KLKB1: variants seen among roughly 807,000 people sequenced by gnomAD.
The protein encoded by KLKB1 is plasma kallikrein.
A neutral mutation model predicts 73.6 loss-of-function variants in KLKB1; 58 were observed. The ratio of observed to expected loss-of-function variants is 0.79; its 90% CI spans 0.64 to 0.98. KLKB1 has a LOEUF of 0.98. Ranked by LOEUF, KLKB1 falls within the 50% of genes least tolerant of loss-of-function variation. The pLI is 0.00. For missense variants in KLKB1, 737 were observed against 763.8 expected (o/e 0.96, Z 0.41); for synonymous variants, 280 against 258.1 (o/e 1.08, Z -0.81).
chr4:186,237,925 A>G (rs1304245674), intron 5 of KLKB1, among the ~76,000 whole-genome samples: 2 of 151,898 alleles, frequency 1.3e-5, no homozygotes, highest in African/African-American at 4.8e-5. Flanking sequence ...TTTTTTCTGA[A>G]GTCATTTTCT....
chr4:186,254,531 A>G, intron 11 of KLKB1, 57 bp from the exon 12 acceptor site: 1 of 1,358,870 alleles, frequency 7.4e-7, no homozygotes, highest in Admixed American at 1.7e-5. Context: ...GGAAAAAGGA[A>G]CACTATTGAA....
chr4:186,237,301 G>A (rs965390136), intron 5 of KLKB1, among the ~76,000 whole-genome samples: 3 of 152,102 alleles, frequency 2.0e-5, no homozygotes, highest in Non-Finnish European at 4.4e-5. Flanking sequence ...GTTTTACTAT[G>A]TTGGTCAGGC....
In KLKB1 at chr4:186,238,348, G is replaced by T. The variant is rs1323960100; in HGVS notation, c.581G>T (p.Cys194Phe). 24 of 1,612,512 alleles carry T rather than the reference G, an allele frequency of 1.5e-5. No individual in the cohort carries two copies. The highest frequency in any genetic ancestry group is 1.9e-5 in the Non-Finnish European group (22 of 1,178,698). ...GAATCTGGATTCTCACTGAAGCCCT[G>T]TGCCCTTTCAGAAATTGGTAATTGT... ...NVESGFSLKP[C>F]ALSEIGCHMN... The change falls in exon 6 of 15, where the codon TGT becomes TTT. Residue 194 changes from cysteine to phenylalanine, a missense_variant. Physicochemically the swap from Cys to Phe is radical, Grantham distance 205 (BLOSUM62 -2). Coordinates refer to ENST00000264690, the MANE Select transcript of KLKB1 (RefSeq NM_000892.5).
intron 2 of KLKB1, among the ~76,000 whole-genome samples, chr4:186,217,306 GTTC>G (rs970126868): frequency 2.6e-4 from 40 of 151,940 alleles, no homozygotes; most frequent in Admixed American, 1.3e-3. Context: ...TGTTGTTGTT[GTTC>G]TTGTTTTCTG....
chr4:186,245,897 T>TCTG (rs1252379182), intron 6 of KLKB1, among the ~76,000 whole-genome samples: 1 of 149,790 alleles, frequency 6.7e-6, no homozygotes, highest in Non-Finnish European at 1.5e-5. Context: ...TTCTGACCCT[T>TCTG]CTGGGTCTAG....
chr4:186,254,347 C>G (rs906394020), intron 11 of KLKB1, among the ~76,000 whole-genome samples: 3 of 152,224 alleles, frequency 2.0e-5, no homozygotes, highest in African/African-American at 7.2e-5. Context: ...TTTGTTTTCA[C>G]TTGCAGTAAG....
intron 6 of KLKB1, among the ~76,000 whole-genome samples, chr4:186,242,498 T>G (rs4253274): frequency 0.83 from 126,284 of 152,062 alleles, 52,658 homozygotes; most frequent in East Asian, 0.92. Flanking sequence ...GCTGAAGGAA[T>G]ATTTTATGGT....
At chr4:186,214,063 A>G (rs1736821149) in intron 2 of KLKB1, among the ~76,000 whole-genome samples, 1 of 152,168 alleles carries the variant, frequency 6.6e-6, no homozygotes, top group Non-Finnish European at 1.5e-5. Flanking sequence ...GTTAAATTCG[A>G]GTTCTCCCCA....
intron 6 of KLKB1, among the ~76,000 whole-genome samples, chr4:186,245,212 A>G (rs1738265000): frequency 2.0e-5 from 3 of 152,196 alleles, no homozygotes; most frequent in Non-Finnish European, 2.9e-5. Flanking sequence ...TACAACAGTT[A>G]TGGAGGCAAG....
chr4:186,229,809 T>G (rs1561448567), intron 2 of KLKB1, among the ~76,000 whole-genome samples: 2 of 152,232 alleles, frequency 1.3e-5, no homozygotes, highest in Non-Finnish European at 2.9e-5. Context: ...TTTTGGTCCA[T>G]GTGGTTCTGG....
chr4:186,243,024 A>G (rs1738134616), intron 6 of KLKB1, among the ~76,000 whole-genome samples: 2 of 151,774 alleles, frequency 1.3e-5, no homozygotes, highest in African/African-American at 4.8e-5. Context: ...ACCCTGTGGG[A>G]AAGGCCTCTA....
chr4:186,238,254 A>G lies in KLKB1; in HGVS notation c.489-2A>G. ...AAAGTAACCTCTTTTCTTCCCATTC[A>G]GGAACAATTGCCTATTAAAGTACAG... On this transcript the variant is annotated splice_acceptor_variant, in intron 5 of 14. Transcript: ENST00000264690. LOFTEE classifies it high-confidence loss of function. 1 of 1,600,076 alleles carries G rather than the reference A, an allele frequency of 6.2e-7. No homozygotes were observed. Among genetic ancestry groups the G allele is most frequent in the Non-Finnish European group, 8.6e-7 (1 of 1,167,294 alleles).
chr4:186,215,283 T>C (rs977876994), intron 2 of KLKB1, among the ~76,000 whole-genome samples: 17 of 151,766 alleles, frequency 1.1e-4, no homozygotes, highest in Non-Finnish European at 1.3e-4. Context: ...GGAGTATCTA[T>C]TGGGCACTCC....
chr4:186,220,160 G>T (rs189658684), intron 2 of KLKB1, among the ~76,000 whole-genome samples: 4 of 152,052 alleles, frequency 2.6e-5, no homozygotes, highest in African/African-American at 4.8e-5. Flanking sequence ...ATAGCTAGGG[G>T]TGATGGTGAG....
At chr4:186,222,617 T>A (rs1402861502), upstream of KLKB1, among the ~76,000 whole-genome samples, 3 of 152,248 alleles carry the variant, frequency 2.0e-5, no homozygotes, top group African/African-American at 7.2e-5. Context: ...ATTAGCAAAT[T>A]GTTGTAGTTA....
Position 186,232,220 on chromosome 4 carries a change from G to T in KLKB1, c.152G>T (p.Cys51Phe), listed in dbSNP as rs1737433325. 1.2e-6 allele frequency: 2 copies of T among 1,613,990 alleles called. No homozygotes were observed. Among genetic ancestry groups the T allele is most frequent in the Admixed American group, 3.3e-5 (2 of 60,018 alleles). The change falls in exon 3 of 15, where the codon TGC (cysteine) becomes TTC (phenylalanine). Residue 51 changes from cysteine (C) to phenylalanine (F), a missense_variant. Cys to Phe is a radical substitution (Grantham distance 205). Transcript: ENST00000264690. The stretch of plus-strand genomic sequence containing the variant: ...AATGCCCAATACTGCCAGATGAGGT[G>T]CACATTCCACCCAAGGTGTTTGCTA... Reference protein sequence around the residue: ...TPNAQYCQMRCTFHPRCLLFS... With the variant: ...TPNAQYCQMRFTFHPRCLLFS...
chr4:186,225,244 T>C (rs1192986973), upstream of KLKB1, among the ~76,000 whole-genome samples: 2 of 151,020 alleles, frequency 1.3e-5, no homozygotes, highest in African/African-American at 4.8e-5. Context: ...CCTGATATTA[T>C]ATTCTTGGTT....
At chr4:186,225,353 TC>T (rs1464115918), upstream of KLKB1, among the ~76,000 whole-genome samples, 4 of 152,140 alleles carry the variant, frequency 2.6e-5, no homozygotes, top group Non-Finnish European at 4.4e-5. Flanking sequence ...TTATGAAGCT[TC>T]CCTTGTATGT....
At chr4:186,235,583 C>T (rs1360458346) in intron 4 of KLKB1, among the ~76,000 whole-genome samples, 1 of 152,164 alleles carries the variant, frequency 6.6e-6, no homozygotes, top group African/African-American at 2.4e-5. Context: ...CACCTCCCTG[C>T]CCAACTCATC....
Sources: allele counts gnomAD v4.1 joint callset (sites outside exome capture counted in the v4.1 genomes callset), GRCh38; gene constraint gnomAD v4.1.1; transcripts MANE v1.5; gene names NCBI Gene and HGNC (gene_info 2026-07-23, HGNC 2026-07-21).